Variants in CNTN4 observed in about 807,000 individuals in gnomAD.
The protein encoded by CNTN4 is contactin-4.
A neutral mutation model predicts 122.5 loss-of-function variants in CNTN4; 77 were observed. The ratio of observed to expected loss-of-function variants is 0.63; its 90% confidence interval spans 0.52 to 0.76. The LOEUF (loss-of-function observed/expected upper bound fraction) is 0.76. Ranked by LOEUF, CNTN4 falls within the 30% of genes least tolerant of loss-of-function variation. CNTN4 has a pLI of 0.00. For missense variants in CNTN4, 1,256 were observed against 1,259.1 expected, an observed-to-expected ratio of 1.00 and a Z score of 0.04; for synonymous variants, 512 against 447.0, an observed-to-expected ratio of 1.15 and a Z score of -1.83.
intron 3 of CNTN4, among the ~76,000 whole-genome samples, chr3:2,487,053 C>CT (rs575931277): frequency 3.0e-3 from 454 of 152,260 alleles, no homozygotes; most frequent in African/African-American, 7.4e-3. Flanking sequence ...CTTCTCCCCA[C>CT]TTTTTTTCTC....
chr3:3,015,372 T>C (rs1346851648), intron 14 of CNTN4, among the ~76,000 whole-genome samples: 1 of 152,018 alleles, frequency 6.6e-6, no homozygotes, highest in Non-Finnish European at 1.5e-5. Flanking sequence ...GGAGGATTGT[T>C]TAAGGTTTTG....
chr3:2,193,959 A>G (rs375079914), intron 2 of CNTN4, among the ~76,000 whole-genome samples: 1 of 152,176 alleles, frequency 6.6e-6, no homozygotes, highest in South Asian at 2.1e-4. Flanking sequence ...TATTCCCACA[A>G]TGATAAAATT....
chr3:2,838,333 G>C lies in CNTN4; in HGVS notation c.454+18752G>C, dbSNP rs567907551. ...AAACTCTCATCTTTACTGTATACAGGTATCTTTAATGTGAGTTATTGAGTA... is the reference window on the plus strand; with the variant it reads ...AAACTCTCATCTTTACTGTATACAGCTATCTTTAATGTGAGTTATTGAGTA... On this transcript the variant is annotated intron_variant, in intron 7 of 24. Transcript: ENST00000418658. Among the ~76,000 whole-genome samples, 7 of 152,180 alleles carry C rather than the reference G, an allele frequency of 4.6e-5. No individual in the cohort carries two copies. The South Asian group carries it at 1.5e-3, about 32-fold the overall frequency.
chr3:2,119,299 C>T (rs2033567595), intron 2 of CNTN4, among the ~76,000 whole-genome samples: 1 of 152,350 alleles, frequency 6.6e-6, no homozygotes, highest in East Asian at 1.9e-4. Flanking sequence ...CTTTCTGTCT[C>T]TCTCTCCGTG....
At chr3:2,226,397 G>A (rs1187806713) in intron 2 of CNTN4, among the ~76,000 whole-genome samples, 1 of 152,096 alleles carries the variant, frequency 6.6e-6, no homozygotes, top group Non-Finnish European at 1.5e-5. Flanking sequence ...TTTTGGAAGA[G>A]GAAAAAGCAC....
At chr3:2,619,159 T>C (rs1056383188) in intron 4 of CNTN4, among the ~76,000 whole-genome samples, 7 of 152,200 alleles carry the variant, frequency 4.6e-5, no homozygotes, top group Admixed American at 4.6e-4. Context: ...CAGCATCCTT[T>C]AGGCTACTCC....
At chr3:2,184,478 T>C (rs1394149398) in intron 2 of CNTN4, among the ~76,000 whole-genome samples, 3 of 152,160 alleles carry the variant, frequency 2.0e-5, no homozygotes, top group Non-Finnish European at 2.9e-5. Context: ...GGAAGGAGGA[T>C]GCTTCAGACA....
chr3:2,718,943 C>T (rs2087667174), intron 4 of CNTN4, among the ~76,000 whole-genome samples: 1 of 152,004 alleles, frequency 6.6e-6, no homozygotes, highest in Non-Finnish European at 1.5e-5. Flanking sequence ...GTGTCTGAAG[C>T]CCCTGAAATT....
intron 2 of CNTN4, among the ~76,000 whole-genome samples, chr3:2,245,049 T>C (rs2040088833): frequency 6.6e-6 from 1 of 152,044 alleles, no homozygotes; most frequent in Non-Finnish European, 1.5e-5. Flanking sequence ...TCTTCCATAA[T>C]AGATACAATG....
chr3:2,620,865 T>C (rs2081963708), intron 4 of CNTN4, among the ~76,000 whole-genome samples: 1 of 152,186 alleles, frequency 6.6e-6, no homozygotes, highest in Admixed American at 6.5e-5. Flanking sequence ...GTTGGTTAGG[T>C]GTGATTTTTC....
At chr3:2,878,946 G>A (rs1327420537) in intron 8 of CNTN4, among the ~76,000 whole-genome samples, 1 of 152,132 alleles carries the variant, frequency 6.6e-6, no homozygotes, top group East Asian at 1.9e-4. Flanking sequence ...CAAGTAAATG[G>A]TCATGGAAGC....
intron 2 of CNTN4, among the ~76,000 whole-genome samples, chr3:2,201,151 C>T (rs184899234): frequency 1.3e-4 from 20 of 152,112 alleles, no homozygotes; most frequent in African/African-American, 4.6e-4. Flanking sequence ...ACACTCTACA[C>T]TAAGCTCTTG....
chr3:2,272,861 G>A (rs558193328), intron 2 of CNTN4, among the ~76,000 whole-genome samples: 11 of 151,656 alleles, frequency 7.3e-5, no homozygotes, highest in Non-Finnish European at 1.6e-4. Flanking sequence ...GGTGGTGATT[G>A]GACTCTCAGA....
chr3:2,279,685 T>C (rs1222553292), intron 2 of CNTN4, among the ~76,000 whole-genome samples: 2 of 152,060 alleles, frequency 1.3e-5, no homozygotes, highest in African/African-American at 2.4e-5. Context: ...ACCCAAAATA[T>C]GCATTGAAAA....
At chr3:2,103,751 G>A (rs1034362726) in intron 2 of CNTN4, among the ~76,000 whole-genome samples, 2 of 151,918 alleles carry the variant, frequency 1.3e-5, no homozygotes, top group Non-Finnish European at 2.9e-5. Context: ...TTTTCTATAT[G>A]ACTAAGGGGA....
intron 2 of CNTN4, among the ~76,000 whole-genome samples, chr3:2,312,152 A>G (rs567215144): frequency 6.6e-6 from 1 of 152,120 alleles, no homozygotes; most frequent in South Asian, 2.1e-4. Context: ...GTCTCTACAA[A>G]AAATAAATTA....
chr3:2,905,520 T>C (rs1401401108), intron 12 of CNTN4, among the ~76,000 whole-genome samples: 1 of 152,204 alleles, frequency 6.6e-6, no homozygotes, highest in African/African-American at 2.4e-5. Flanking sequence ...CTTCACCTCA[T>C]AGGGGCTTCA....
chr3:2,294,698 T>G (rs1387203245), intron 2 of CNTN4, among the ~76,000 whole-genome samples: 1 of 152,132 alleles, frequency 6.6e-6, no homozygotes, highest in African/African-American at 2.4e-5. Context: ...TTAATATACT[T>G]TAAGTTTTAG....
At chr3:2,929,088 G>A (rs1445417351) in intron 13 of CNTN4, among the ~76,000 whole-genome samples, 1 of 152,276 alleles carries the variant, frequency 6.6e-6, no homozygotes, top group Non-Finnish European at 1.5e-5. Context: ...TTCTTCTTGG[G>A]TAAGCAGAAT....
Sources: allele counts gnomAD v4.1 joint callset (sites outside exome capture counted in the v4.1 genomes callset), GRCh38; gene constraint gnomAD v4.1.1; transcripts MANE v1.5; gene names NCBI Gene and HGNC (gene_info 2026-07-23, HGNC 2026-07-21).